The following CLCA1 variants were observed in gnomAD, a reference collection of about 807,000 sequenced individuals.
The protein encoded by CLCA1 is chloride channel accessory 1.
CLCA1 carries 59 observed loss-of-function variants against 85.6 expected under a neutral mutation model. The ratio of observed to expected loss-of-function variants is 0.69; its 90% confidence interval spans 0.56 to 0.86. CLCA1 has a LOEUF of 0.86. CLCA1 is among the 40% of genes least tolerant of loss of function. CLCA1 has a pLI of 0.00. For synonymous variants in CLCA1, 396 were observed against 398.3 expected (o/e 0.99, Z 0.07); for missense variants, 1,022 against 1,101.4 (o/e 0.93, Z 1.02).
At chr1:86,487,799 C>G (rs947090282) in intron 7 of CLCA1, among the ~76,000 whole-genome samples, 1 of 152,234 alleles carries the variant, frequency 6.6e-6, no homozygotes, top group Admixed American at 6.5e-5. Flanking sequence ...GATTATCCTT[C>G]TCTCACCTGC....
At chr1:86,495,775 G>T in intron 12 of CLCA1, 100 bp downstream of exon 12, 8 of 1,148,674 alleles carry the variant, frequency 7.0e-6, no homozygotes, top group Non-Finnish European at 9.6e-6. Flanking sequence ...ATTAAATCAG[G>T]GTTTCTCAAC....
At position 86,473,472 on chromosome 1, in the gene CLCA1, A is replaced by G; in HGVS notation, c.218A>G (p.Tyr73Cys). 1 of 1,610,796 alleles carries G rather than the reference A, an allele frequency of 6.2e-7. No individual in the cohort carries two copies. The highest frequency in any genetic ancestry group is 1.3e-5 in the African/African-American group (1 of 74,986). Reference sequence around the variant, plus strand: ...CTTGAAGCTACAGGAAAGCGATTTTATTTCAAAAATGTTGCCATTTTGATT... The same window carrying G: ...CTTGAAGCTACAGGAAAGCGATTTTGTTTCAAAAATGTTGCCATTTTGATT... ...YLLEATGKRFYFKNVAILIPE... is the reference protein window; with the variant it reads ...YLLEATGKRFCFKNVAILIPE... Residue 73 changes from tyrosine (Y) to cysteine (C), a missense_variant, in exon 2 of 14, where the codon TAT (tyrosine) becomes TGT (cysteine). Transcript: ENST00000394711.
intron 11 of CLCA1, among the ~76,000 whole-genome samples, chr1:86,495,001 G>C (rs1570291021): frequency 6.7e-6 from 1 of 149,182 alleles, no homozygotes; most frequent in African/African-American, 2.5e-5. Context: ...TCTTTAAGAA[G>C]TCTATCAGGG....
chr1:86,477,417 TACA>T (rs1035569631), intron 4 of CLCA1, among the ~76,000 whole-genome samples: 17 of 152,230 alleles, frequency 1.1e-4, no homozygotes, highest in Non-Finnish European at 2.1e-4. Flanking sequence ...AGAAATCAAG[TACA>T]ACACTTGGAA....
At position 86,487,815 on chromosome 1, in the gene CLCA1, C is replaced by T. The variant is rs111802343; in HGVS notation, c.1182+1062C>T. 2.1e-3 allele frequency among the ~76,000 whole-genome samples: 324 copies of T among 152,334 alleles called. 1 individual carries two copies. The highest frequency in any genetic ancestry group is 7.4e-3 in the African/African-American group (307 of 41,578). On this transcript the variant is annotated intron_variant, in intron 7 of 13. Transcript: ENST00000394711. ...ATTATCCTTCTCTCACCTGCCAACACCCAACTCAGCTGTCTTCTGTCTCCT... is the reference window on the plus strand; with the variant it reads ...ATTATCCTTCTCTCACCTGCCAACATCCAACTCAGCTGTCTTCTGTCTCCT...
chr1:86,468,955 C>A lies in CLCA1; in HGVS notation c.-17C>A, dbSNP rs777666738. The A allele has an allele frequency of 4.2e-5, 66 of 1,577,340 alleles. No homozygotes were observed. The highest frequency in any genetic ancestry group is 5.7e-5 in the Non-Finnish European group (66 of 1,159,144). On this transcript the variant is annotated 5_prime_UTR_variant, in exon 1 of 14. Coordinates refer to ENST00000394711, the MANE Select transcript of CLCA1 (RefSeq NM_001285.4). Reference sequence around the variant, plus strand: ...CCGCATTTTCCAAAGAGAGAAATCACAGGGAGATGTACAGCAATGGGGCCA... The same window carrying A: ...CCGCATTTTCCAAAGAGAGAAATCAAAGGGAGATGTACAGCAATGGGGCCA...
chr1:86,478,270 C>CA (rs1296283400), intron 4 of CLCA1, among the ~76,000 whole-genome samples: 52 of 152,026 alleles, frequency 3.4e-4, no homozygotes, highest in Middle Eastern at 6.8e-3. Context: ...ACTAAAAATA[C>CA]AAAAAAATTG....
At chr1:86,496,011 T>C (rs987908542) in intron 12 of CLCA1, among the ~76,000 whole-genome samples, 1 of 152,198 alleles carries the variant, frequency 6.6e-6, no homozygotes, top group African/African-American at 2.4e-5. Flanking sequence ...TTTGACTGCC[T>C]TACTTCAAAG....
intron 12 of CLCA1, among the ~76,000 whole-genome samples, chr1:86,496,164 C>G (rs140768246): frequency 6.6e-6 from 1 of 152,314 alleles, no homozygotes; most frequent in East Asian, 1.9e-4. Context: ...CAAACTGTTA[C>G]TGGTAAATAG....
intron 9 of CLCA1, among the ~76,000 whole-genome samples, chr1:86,492,236 A>G (rs1328831032): frequency 2.6e-5 from 4 of 152,186 alleles, no homozygotes; most frequent in African/African-American, 9.7e-5. Flanking sequence ...TGGCTTACCA[A>G]TGGAGCATTT....
At chr1:86,471,936 G>A (rs1337044350) in intron 1 of CLCA1, among the ~76,000 whole-genome samples, 1 of 151,842 alleles carries the variant, frequency 6.6e-6, no homozygotes, top group African/African-American at 2.4e-5. Flanking sequence ...CTCCTAACAC[G>A]ACCCCCACTA....
intron 13 of CLCA1, among the ~76,000 whole-genome samples, chr1:86,499,058 T>C (rs1408309408): frequency 6.6e-6 from 1 of 152,214 alleles, no homozygotes; most frequent in Non-Finnish European, 1.5e-5. Flanking sequence ...TCTGAAATCT[T>C]ACCAAACTGT....
At position 86,476,430 on chromosome 1, in the gene CLCA1, T is replaced by C; in HGVS notation, c.452-18T>C. 1.5e-6 allele frequency: 2 copies of C among 1,353,972 alleles called. No homozygotes were observed. Among genetic ancestry groups the C allele is most frequent in the Non-Finnish European group, 2.1e-6 (2 of 948,090 alleles). The allele number at this position is 1,353,972 out of a possible 1,614,324, so 83.9% of individuals were successfully genotyped here. On this transcript the variant is annotated intron_variant, in intron 3 of 13. Coordinates refer to ENST00000394711, the MANE Select transcript of CLCA1 (RefSeq NM_001285.4). ...GCCATTCTTATTGTAATCAGTTTTT[T>C]AAAATACTTTCTCACAGGTAGGGCA... is the stretch of plus-strand genomic sequence containing the variant.
Position 86,485,393 on chromosome 1 carries a change from G to T in CLCA1, c.786G>T (p.Lys262Asn), listed in dbSNP as rs779376202. Residue 262 changes from lysine (K) to asparagine (N), a missense_variant, in exon 6 of 14, where the codon AAG becomes AAT. Lys to Asn is a moderately conservative substitution (Grantham distance 94). Transcript: ENST00000394711. ...EQNHNKEAPN[K>N]QNQKCNLRST... ...ACCACAACAAAGAAGCTCCAAACAA[G>T]CAAAATCAAAAATGCAATCTCCGAA... 6.2e-7 allele frequency: 1 copy of T among 1,614,116 alleles called. No homozygotes were observed. The highest frequency in any genetic ancestry group is 8.5e-7 in the Non-Finnish European group (1 of 1,180,002).
intron 2 of CLCA1, 27 bp from the exon 3 acceptor site, chr1:86,473,702 T>C (rs751002783): frequency 1.3e-6 from 2 of 1,554,582 alleles, no homozygotes; most frequent in Non-Finnish European, 1.7e-6. Context: ...AACTTTGTGA[T>C]GATAGAAACT....
At chr1:86,499,409 C>A (rs535708708) in intron 13 of CLCA1, among the ~76,000 whole-genome samples, 7 of 152,334 alleles carry the variant, frequency 4.6e-5, no homozygotes, top group Admixed American at 3.9e-4. Context: ...CTGACCAAGG[C>A]TTTACGTCAT....
intron 6 of CLCA1, 55 bp downstream of exon 6, chr1:86,485,616 G>A: frequency 6.7e-7 from 1 of 1,498,980 alleles, no homozygotes; most frequent in Non-Finnish European, 9.3e-7. Context: ...TGCATGTTCT[G>A]GACCCTGACT....
At chr1:86,488,548 A>C (rs1278102594) in intron 7 of CLCA1, among the ~76,000 whole-genome samples, 1 of 152,166 alleles carries the variant, frequency 6.6e-6, no homozygotes, top group Admixed American at 6.5e-5. Flanking sequence ...TGCCAGCCAG[A>C]AATAGCTGGT....
At chr1:86,477,146 G>A (rs1173011450) in intron 4 of CLCA1, among the ~76,000 whole-genome samples, 1 of 152,156 alleles carries the variant, frequency 6.6e-6, no homozygotes, top group Non-Finnish European at 1.5e-5. Flanking sequence ...CGTACAGGCA[G>A]GGTGTCCTTA....
Sources: gnomAD v4.1 joint callset for allele counts (sites outside exome capture counted in the v4.1 genomes callset) on GRCh38, gnomAD v4.1.1 for gene constraint, MANE v1.5 for transcripts, NCBI Gene and HGNC (gene_info 2026-07-23, HGNC 2026-07-21) for gene names.